Variants in UNC5D observed in about 807,000 individuals in gnomAD.
UNC5D encodes netrin receptor UNC5D.
A neutral mutation model predicts 105.4 loss-of-function variants in UNC5D; 39 were observed. The observed-to-expected ratio is 0.37, with a 90% CI of 0.29 to 0.48. The LOEUF (loss-of-function observed/expected upper bound fraction) is 0.48, where lower values mean the gene tolerates loss of function less well. UNC5D is among the 20% of genes least tolerant of loss of function. The pLI, the probability that UNC5D is intolerant of heterozygous loss-of-function variation, is 0.98. For missense variants in UNC5D, 991 were observed against 1,202.4 expected, an observed-to-expected ratio of 0.82 and a Z score of 2.60; for synonymous variants, 452 against 450.4, an observed-to-expected ratio of 1.00 and a Z score of -0.04.
At chr8:35,715,403 ATAG>A (rs1828202148) in intron 8 of UNC5D, among the ~76,000 whole-genome samples, 1 of 152,200 alleles carries the variant, frequency 6.6e-6, no homozygotes, top group African/African-American at 2.4e-5. Flanking sequence ...TGCTTTTTGC[ATAG>A]TATATGTACC....
intron 1 of UNC5D, among the ~76,000 whole-genome samples, chr8:35,333,338 G>T (rs534842736): frequency 1.3e-5 from 2 of 152,168 alleles, no homozygotes; most frequent in South Asian, 2.1e-4. Flanking sequence ...TAAAGGAAAA[G>T]AAATTATATA....
rs1554499084 is a variant in UNC5D, at chr8:35,271,688, C to CATGTATACATATAT, written c.103+35811_103+35812insATATATGTATACAT. Among the ~76,000 whole-genome samples, 42 of 9,382 alleles carry CATGTATACATATAT rather than the reference C, an allele frequency of 4.5e-3. No individual in the cohort carries two copies. In the East Asian group the frequency reaches 0.3, roughly 67 times the overall value. The allele number at this position is 9,382 out of a possible 152,430, so 6.2% of individuals were successfully genotyped here. On this transcript the variant is annotated intron_variant, in intron 1 of 16. Transcript: ENST00000404895. ...ATACAGGTATACATATATATGTATACATGTATACATGTATACATATATATT... is the reference window on the plus strand; with the variant it reads ...ATACAGGTATACATATATATGTATACATGTATACATATATATGTATACATGTATACATATATATT...
At chr8:35,241,144 T>C (rs1362536062) in intron 1 of UNC5D, among the ~76,000 whole-genome samples, 2 of 152,232 alleles carry the variant, frequency 1.3e-5, no homozygotes. Flanking sequence ...CTCCTGCTGC[T>C]GCTCTTGTGA....
chr8:35,707,121 T>C (rs1035213042), intron 8 of UNC5D, among the ~76,000 whole-genome samples: 3 of 152,154 alleles, frequency 2.0e-5, no homozygotes, highest in African/African-American at 7.2e-5. Context: ...GAAGAGTTAA[T>C]AGCTATTATG....
At chr8:35,500,890 T>C in intron 1 of UNC5D, among the ~76,000 whole-genome samples, 1 of 152,192 alleles carries the variant, frequency 6.6e-6, no homozygotes, top group Non-Finnish European at 1.5e-5. Flanking sequence ...TAGTTAAAAA[T>C]AAGATCCAAA....
At chr8:35,290,089 T>G (rs939862628) in intron 1 of UNC5D, among the ~76,000 whole-genome samples, 8 of 152,118 alleles carry the variant, frequency 5.3e-5, no homozygotes, top group Non-Finnish European at 1.0e-4. Context: ...TTGGCGGGAA[T>G]GTATATATTA....
At chr8:35,268,386 A>T (rs565743440) in intron 1 of UNC5D, among the ~76,000 whole-genome samples, 21 of 152,230 alleles carry the variant, frequency 1.4e-4, no homozygotes, top group Admixed American at 5.2e-4. Context: ...GATTCCTTAC[A>T]ATGTCTTTTT....
chr8:35,577,572 T>C (rs1818176378), intron 3 of UNC5D, among the ~76,000 whole-genome samples: 1 of 152,176 alleles, frequency 6.6e-6, no homozygotes, highest in Admixed American at 6.5e-5. Context: ...TTTTAAAAGA[T>C]GAATGAATGA....
chr8:35,269,683 G>A (rs868653420), intron 1 of UNC5D, among the ~76,000 whole-genome samples: 4 of 152,070 alleles, frequency 2.6e-5, no homozygotes, highest in African/African-American at 9.7e-5. Flanking sequence ...TCCTACTGCT[G>A]TGCTGATATT....
chr8:35,660,546 G>A (rs930484021), intron 4 of UNC5D, among the ~76,000 whole-genome samples: 2 of 152,198 alleles, frequency 1.3e-5, no homozygotes, highest in African/African-American at 4.8e-5. Context: ...TTCCTGTAAT[G>A]TATGCAGAAC....
At chr8:35,611,715 G>A (rs1820693548) in intron 4 of UNC5D, among the ~76,000 whole-genome samples, 1 of 152,156 alleles carries the variant, frequency 6.6e-6, no homozygotes, top group African/African-American at 2.4e-5. Flanking sequence ...TAACTTTGGT[G>A]GCAGTTCTAA....
intron 1 of UNC5D, among the ~76,000 whole-genome samples, chr8:35,538,045 A>G (rs1301143502): frequency 2.6e-5 from 4 of 152,104 alleles, no homozygotes; most frequent in Non-Finnish European, 1.5e-5. Context: ...GGGCATTGGT[A>G]TACATGAATG....
At chr8:35,282,470 G>A (rs1362074647) in intron 1 of UNC5D, among the ~76,000 whole-genome samples, 1 of 152,104 alleles carries the variant, frequency 6.6e-6, no homozygotes, top group East Asian at 1.9e-4. Flanking sequence ...ATTGTCACAT[G>A]TGAAGTCTCT....
intron 3 of UNC5D, among the ~76,000 whole-genome samples, chr8:35,575,446 C>T (rs961997989): frequency 1.3e-5 from 2 of 152,052 alleles, no homozygotes; most frequent in African/African-American, 4.8e-5. Flanking sequence ...CAACTTTGTC[C>T]TTTCTTGTTT....
intron 1 of UNC5D, among the ~76,000 whole-genome samples, chr8:35,490,723 A>G (rs571810576): frequency 1.3e-5 from 2 of 152,270 alleles, no homozygotes; most frequent in South Asian, 2.1e-4. Flanking sequence ...CAGAGGCTTC[A>G]TCTTAAACAT....
At chr8:35,736,458 T>G (rs1326118831) in intron 11 of UNC5D, among the ~76,000 whole-genome samples, 1 of 152,174 alleles carries the variant, frequency 6.6e-6, no homozygotes, top group African/African-American at 2.4e-5. Flanking sequence ...ATAAGAAAAA[T>G]GAAATGTCTT....
chr8:35,465,793 T>G (rs901110485), intron 1 of UNC5D, among the ~76,000 whole-genome samples: 3 of 152,062 alleles, frequency 2.0e-5, no homozygotes, highest in African/African-American at 7.2e-5. Context: ...GTGGGCCCAG[T>G]GCAATCCCAG....
chr8:35,705,120 T>A (rs984515658), intron 7 of UNC5D, among the ~76,000 whole-genome samples: 5 of 151,958 alleles, frequency 3.3e-5, no homozygotes, highest in Admixed American at 6.6e-5. Context: ...GCCTGCCACC[T>A]CGCCCGGCTA....
In UNC5D at chr8:35,375,932, C is replaced by G. The variant is rs531430378; in HGVS notation, c.103+140045C>G. ...TATGAAAATTCCAGATATTCTACCTCTTTATACTCTCCCACCTCCTGAATC... is the reference window on the plus strand; with the variant it reads ...TATGAAAATTCCAGATATTCTACCTGTTTATACTCTCCCACCTCCTGAATC... On this transcript the variant is annotated intron_variant, in intron 1 of 16. Coordinates refer to ENST00000404895, the MANE Select transcript of UNC5D (RefSeq NM_080872.4). Among the ~76,000 whole-genome samples the G allele has an allele frequency of 2.0e-5, 3 of 152,294 alleles. No homozygotes were observed. In the East Asian group the frequency reaches 5.8e-4, roughly 29 times the overall value.
Sources: allele counts gnomAD v4.1 joint callset (sites outside exome capture counted in the v4.1 genomes callset), GRCh38; gene constraint gnomAD v4.1.1; transcripts MANE v1.5; gene names NCBI Gene and HGNC (gene_info 2026-07-23, HGNC 2026-07-21).